The following IQCM variants were observed in gnomAD, a reference collection of about 807,000 sequenced individuals.
The protein encoded by IQCM is IQ motif containing M.
In IQCM, 45 loss-of-function variants were observed where a neutral mutation model predicts 57.6. The observed-to-expected ratio is 0.78, with a 90% CI of 0.62 to 1.00. The LOEUF (loss-of-function observed/expected upper bound fraction) is 1.00, where lower values mean the gene tolerates loss of function less well. IQCM is among the 50% of genes least tolerant of loss of function. The probability of loss-of-function intolerance (pLI) is 0.00; values close to 1 mark genes in which losing one functional copy is unlikely to be tolerated. For synonymous variants in IQCM, 148 were observed against 158.9 expected, an observed-to-expected ratio of 0.93 and a Z score of 0.51; for missense variants, 468 against 511.6, an observed-to-expected ratio of 0.91 and a Z score of 0.82.
chr4:149,368,972 ATG>A (rs1226703729), intron 13 of IQCM, among the ~76,000 whole-genome samples: 1 of 43,148 alleles, frequency 2.3e-5, no homozygotes, highest in African/African-American at 7.6e-5. Context: ...GTATATATAT[ATG>A]TGTATATATA....
intron 2 of IQCM, among the ~76,000 whole-genome samples, chr4:149,806,593 T>C (rs952136054): frequency 1.3e-5 from 2 of 152,012 alleles, no homozygotes; most frequent in Non-Finnish European, 2.9e-5. Context: ...TGTCTTTCTA[T>C]GCCTAGAAAT....
intron 12 of IQCM, among the ~76,000 whole-genome samples, chr4:149,510,165 T>G (rs561960748): frequency 1.3e-5 from 2 of 152,264 alleles, no homozygotes; most frequent in East Asian, 3.9e-4. Context: ...TCTTTTAAAT[T>G]TTTAACAATT....
At chr4:149,603,773 T>A (rs1330668071) in intron 8 of IQCM, among the ~76,000 whole-genome samples, 1 of 152,136 alleles carries the variant, frequency 6.6e-6, no homozygotes, top group East Asian at 1.9e-4. Context: ...TATGAGTCTT[T>A]GTTGTCAATA....
intron 6 of IQCM, among the ~76,000 whole-genome samples, chr4:149,683,022 A>G (rs1762294542): frequency 6.6e-6 from 1 of 151,212 alleles, no homozygotes; most frequent in East Asian, 1.9e-4. Flanking sequence ...GCAAAATTTT[A>G]TACTATTATT....
At chr4:149,476,187 G>A (rs1226513170) in intron 12 of IQCM, among the ~76,000 whole-genome samples, 1 of 152,134 alleles carries the variant, frequency 6.6e-6, no homozygotes, top group Non-Finnish European at 1.5e-5. Flanking sequence ...ATCGAAGCAT[G>A]AATAAACTGG....
chr4:149,462,583 TTTCCTACTGTTTGAA>T (rs1738421439), intron 12 of IQCM, among the ~76,000 whole-genome samples: 1 of 152,230 alleles, frequency 6.6e-6, no homozygotes, highest in Non-Finnish European at 1.5e-5. Flanking sequence ...AATAGGAGTA[TTTCCTACTGTTTGAA>T]TTCCTGTCTT....
At chr4:149,533,053 G>A (rs1047657573) in intron 12 of IQCM, among the ~76,000 whole-genome samples, 6 of 152,064 alleles carry the variant, frequency 3.9e-5, no homozygotes, top group Non-Finnish European at 8.8e-5. Context: ...AGGGAGCCAT[G>A]AGGGAAGAAA....
chr4:149,593,249 T>C (rs1753390648), intron 8 of IQCM, among the ~76,000 whole-genome samples: 1 of 152,180 alleles, frequency 6.6e-6, no homozygotes, highest in Non-Finnish European at 1.5e-5. Flanking sequence ...ACGATTTGGC[T>C]CTCTGTTTGT....
chr4:149,486,455 G>A (rs1425868344), intron 12 of IQCM, among the ~76,000 whole-genome samples: 1 of 151,968 alleles, frequency 6.6e-6, no homozygotes, highest in Non-Finnish European at 1.5e-5. Flanking sequence ...TTCACTTAAA[G>A]CCCAAAAGCT....
intron 13 of IQCM, among the ~76,000 whole-genome samples, chr4:149,402,495 G>C (rs1732686607): frequency 6.6e-6 from 1 of 151,800 alleles, no homozygotes; most frequent in South Asian, 2.1e-4. Flanking sequence ...TCTAGGCCAT[G>C]ATCAATTATT....
At position 149,773,523 on chromosome 4, in the gene IQCM, T is replaced by C. The variant is rs533239309; in HGVS notation, c.-48-30784A>G. On this transcript the variant is annotated intron_variant, in intron 2 of 13. Coordinates refer to ENST00000636793, the MANE Select transcript of IQCM (RefSeq NM_001363507.2). ...AGATGGGTATTTAAACTAACTGTTC[T>C]GTAATGATCTCTCCAAATCCGGCAT... 3.9e-5 allele frequency among the ~76,000 whole-genome samples: 6 copies of C among 152,330 alleles called. No individual in the cohort carries two copies. In the East Asian group the frequency reaches 5.8e-4, roughly 15 times the overall value.
intron 12 of IQCM, among the ~76,000 whole-genome samples, chr4:149,452,948 C>T (rs576848151): frequency 1.3e-4 from 20 of 150,372 alleles, no homozygotes; most frequent in South Asian, 1.0e-3. Flanking sequence ...TAATTCCAAC[C>T]GCAGCATCAT....
At chr4:149,661,477 C>T (rs1306133824) in intron 7 of IQCM, among the ~76,000 whole-genome samples, 1 of 152,074 alleles carries the variant, frequency 6.6e-6, no homozygotes, top group Non-Finnish European at 1.5e-5. Flanking sequence ...ACAAAATGAG[C>T]TTGAAAGTAT....
rs1017959776 is a variant in IQCM at position 149,695,166 on chromosome 4, C to T, written c.386-8698G>A. On this transcript the variant is annotated intron_variant, in intron 5 of 13. Coordinates refer to ENST00000636793, the MANE Select transcript of IQCM (RefSeq NM_001363507.2). ...TTCCTCACTAGACTGTGAACTCTGA[C>T]GGTTTCTTGAGGACAGACATTGTGT... 2.2e-4 allele frequency among the ~76,000 whole-genome samples: 34 copies of T among 152,186 alleles called. No individual in the cohort carries two copies. The Middle Eastern group carries it at 0.01, about 46-fold the overall frequency.
chr4:149,771,443 C>A (rs1033940460), intron 2 of IQCM, among the ~76,000 whole-genome samples: 1 of 152,016 alleles, frequency 6.6e-6, no homozygotes, highest in Non-Finnish European at 1.5e-5. Context: ...ATTACAAGTT[C>A]ATTAATTTAT....
chr4:149,629,732 GC>G (rs1757096692), intron 7 of IQCM, among the ~76,000 whole-genome samples: 1 of 151,932 alleles, frequency 6.6e-6, no homozygotes, highest in Admixed American at 6.6e-5. Flanking sequence ...GTAAAAGTGG[GC>G]AAAAATTATG....
intron 7 of IQCM, among the ~76,000 whole-genome samples, chr4:149,668,023 AC>A (rs1259453886): frequency 4.6e-5 from 7 of 152,276 alleles, no homozygotes; most frequent in African/African-American, 1.7e-4. Context: ...ATCCAGGAGA[AC>A]TTCCCCAACC....
At chr4:149,383,472 A>G (rs1731214252) in intron 13 of IQCM, among the ~76,000 whole-genome samples, 1 of 152,140 alleles carries the variant, frequency 6.6e-6, no homozygotes, top group Non-Finnish European at 1.5e-5. Context: ...ACCACATTTA[A>G]CACAATCCTG....
At position 149,428,165 on chromosome 4, in the gene IQCM, A is replaced by G. The variant is rs565369161; in HGVS notation, c.1390+5231T>C. Among the ~76,000 whole-genome samples the G allele has an allele frequency of 5.9e-5, 9 of 152,002 alleles. No homozygotes were observed. In the South Asian group the frequency reaches 1.9e-3, roughly 32 times the overall value. The stretch of plus-strand genomic sequence containing the variant: ...AAATTAAGCTTAGTTTTTTACCAGG[A>G]TAGCAAATTTAAGAAGGCAAAATAA... On this transcript the variant is annotated intron_variant, in intron 13 of 13. Coordinates refer to ENST00000636793, the MANE Select transcript of IQCM (RefSeq NM_001363507.2).
Sources: allele counts gnomAD v4.1 joint callset (sites outside exome capture counted in the v4.1 genomes callset), GRCh38; gene constraint gnomAD v4.1.1; transcripts MANE v1.5; gene names NCBI Gene and HGNC (gene_info 2026-07-23, HGNC 2026-07-21).